The following KIAA1586 variants were observed in gnomAD, a reference collection of about 807,000 sequenced individuals.
The protein encoded by KIAA1586 is E3 SUMO-protein ligase KIAA1586.
Under a neutral mutation model 6.1 loss-of-function variants are expected in KIAA1586, and 5 were observed. The ratio of observed to expected loss-of-function variants is 0.82; its 90% confidence interval spans 0.43 to 1.73. The LOEUF (loss-of-function observed/expected upper bound fraction) is 1.73. Among genes scored for constraint, KIAA1586 ranks in the 40% most tolerant of loss-of-function variants. The pLI, the probability that KIAA1586 is intolerant of heterozygous loss-of-function variation, is 0.02. For synonymous variants in KIAA1586, 280 were observed against 301.7 expected (o/e 0.93, Z 0.75); for missense variants, 899 against 878.2 (o/e 1.02, Z -0.30).
At chr6:57,046,842 G>A in intron 1 of KIAA1586, 66 bp downstream of exon 1, 2 of 1,579,136 alleles carry the variant, frequency 1.3e-6, no homozygotes, top group East Asian at 2.3e-5. Flanking sequence ...TGTTTTCTGC[G>A]GTCTGAGGCC....
At position 57,053,507 on chromosome 6, in the gene KIAA1586, C is replaced by T. The variant is rs866945589; in HGVS notation, c.1008C>T (p.Cys336=). ...CCACCCTAGTGATTTATCTCCAGTGCACAATTCAGTCAGCTCCTGCACCTG... is the reference window on the plus strand; with the variant it reads ...CCACCCTAGTGATTTATCTCCAGTGTACAATTCAGTCAGCTCCTGCACCTG... ...KKTTLVIYLQ[C]TIQSAPAPVM... is the part of the protein sequence containing the mutation. The change falls in exon 4 of 4, where the codon TGC becomes TGT. Residue 336 remains cysteine (C), a synonymous_variant. Coordinates refer to ENST00000370733, the MANE Select transcript of KIAA1586 (RefSeq NM_020931.4). 1 of 1,613,562 alleles carries T rather than the reference C, an allele frequency of 6.2e-7. No homozygotes were observed. Among genetic ancestry groups the T allele is most frequent in the Non-Finnish European group, 8.5e-7 (1 of 1,179,762 alleles).
intron 2 of KIAA1586, among the ~76,000 whole-genome samples, chr6:57,049,996 T>C (rs1377142295): frequency 6.6e-6 from 1 of 152,034 alleles, no homozygotes; most frequent in Non-Finnish European, 1.5e-5. Context: ...ATGAAATCTG[T>C]TATCTTTTTT....
At chr6:57,052,552 A>T (rs1010748306) in intron 3 of KIAA1586, 134 bp from the exon 4 acceptor site, 4 of 606,452 alleles carry the variant, frequency 6.6e-6, no homozygotes, top group Non-Finnish European at 1.0e-5. Context: ...GATATTATAG[A>T]TATAAACTGA....
intron 3 of KIAA1586, among the ~76,000 whole-genome samples, chr6:57,052,316 G>A (rs1172816468): frequency 6.6e-6 from 1 of 152,190 alleles, no homozygotes; most frequent in Non-Finnish European, 1.5e-5. Context: ...CAAGTATAGA[G>A]GAGGATATGC....
the KIAA1586 span, among the ~76,000 whole-genome samples, chr6:57,066,522 A>C: frequency 1.3e-5 from 2 of 152,158 alleles, no homozygotes; most frequent in Non-Finnish European, 2.9e-5. Context: ...CTTATGGTTT[A>C]TGCTAAGTGG....
chr6:57,052,909 G>A lies in KIAA1586; in HGVS notation c.410G>A (p.Trp137Ter). 6.2e-7 allele frequency: 1 copy of A among 1,611,886 alleles called. No homozygotes were observed. The highest frequency in any genetic ancestry group is 8.5e-7 in the Non-Finnish European group (1 of 1,179,156). ...GATAATCTTGTGCTTCCAGATTGTT[G>A]GAATGAAAAACAAGCATTTATGTTT... ...EIDNLVLPDC[W>*]NEKQAFMFTE... The change falls in exon 4 of 4, where the codon TGG (tryptophan) becomes TAG (stop). Residue 137 changes from tryptophan to a stop codon, truncating the protein, a stop_gained. Transcript: ENST00000370733. LOFTEE classifies it low-confidence loss of function (END_TRUNC).
At chr6:57,060,230 T>C (rs1254545277), downstream of KIAA1586, among the ~76,000 whole-genome samples, 1 of 152,134 alleles carries the variant, frequency 6.6e-6, no homozygotes, top group African/African-American at 2.4e-5. Flanking sequence ...GTGGTTTTGG[T>C]CTTTCCCTCA....
the KIAA1586 span, among the ~76,000 whole-genome samples, chr6:57,065,176 T>C: frequency 6.6e-6 from 1 of 152,214 alleles, no homozygotes; most frequent in African/African-American, 2.4e-5. Context: ...GCTTTTCCTT[T>C]TGACTCTGCA....
At chr6:57,065,789 ATTTTTATGTAGTTTCTATATGATT>A in the KIAA1586 span, among the ~76,000 whole-genome samples, 1 of 151,964 alleles carries the variant, frequency 6.6e-6, no homozygotes, top group African/African-American at 2.4e-5. Flanking sequence ...GAGAAATTTT[ATTTTTATGTAGTTTCTATATGATT>A]TTCTCCTCTG....
In KIAA1586 at chr6:57,055,004, T is replaced by C; in HGVS notation, c.*141T>C. On this transcript the variant is annotated 3_prime_UTR_variant, in exon 4 of 4. Transcript: ENST00000370733. ...TAAAAGGCGTTCTTTAAGAAGATAA[T>C]CTTGAAGATTGGTTTTAGAAGCTAT... is the stretch of plus-strand genomic sequence containing the variant. The C allele has an allele frequency of 1.0e-6, 1 of 997,970 alleles. No homozygotes were observed. Among genetic ancestry groups the C allele is most frequent in the Non-Finnish European group, 1.4e-6 (1 of 711,238 alleles). The allele number at this position is 997,970 out of a possible 1,614,324, so 61.8% of individuals were successfully genotyped here.
At chr6:57,051,280 G>A (rs1033890031) in intron 3 of KIAA1586, among the ~76,000 whole-genome samples, 1 of 150,912 alleles carries the variant, frequency 6.6e-6, no homozygotes, top group Non-Finnish European at 1.5e-5. Context: ...AATTTTGTGA[G>A]CTGATTGTAA....
the KIAA1586 span, among the ~76,000 whole-genome samples, chr6:57,064,677 G>C: frequency 1.3e-5 from 2 of 152,264 alleles, no homozygotes; most frequent in East Asian, 3.9e-4. Flanking sequence ...GGAGGCCCGG[G>C]GGTTTTCTTC....
the KIAA1586 span, among the ~76,000 whole-genome samples, chr6:57,066,115 G>GAAA: frequency 7.6e-6 from 1 of 132,278 alleles, no homozygotes; most frequent in Non-Finnish European, 1.6e-5. Flanking sequence ...TGTCTCTACT[G>GAAA]AAAAAAAAAA....
At chr6:57,057,006 A>T (rs1364703088), downstream of KIAA1586, among the ~76,000 whole-genome samples, 1 of 152,032 alleles carries the variant, frequency 6.6e-6, no homozygotes, top group Non-Finnish European at 1.5e-5. Context: ...AGGCAGGTGG[A>T]TCATGAGGTT....
intron 2 of KIAA1586, among the ~76,000 whole-genome samples, chr6:57,050,472 C>T (rs1388306815): frequency 6.6e-6 from 1 of 151,230 alleles, no homozygotes; most frequent in Non-Finnish European, 1.5e-5. Context: ...TGTGAGCCAC[C>T]GTACCCATCT....
the KIAA1586 span, among the ~76,000 whole-genome samples, chr6:57,062,148 C>T: frequency 6.6e-6 from 1 of 152,126 alleles, no homozygotes; most frequent in South Asian, 2.1e-4. Context: ...CCAGGCTGGT[C>T]TCAAACTCCT....
chr6:57,046,695 T>A lies in KIAA1586; in HGVS notation c.-61T>A. ...CGGTGCAGGGCGGGAAGGGGAGTGGTGGCGGCTGCGGCAGTAGGGACAGCA... is the reference window on the plus strand; with the variant it reads ...CGGTGCAGGGCGGGAAGGGGAGTGGAGGCGGCTGCGGCAGTAGGGACAGCA... On this transcript the variant is annotated 5_prime_UTR_variant, in exon 1 of 4. Coordinates refer to ENST00000370733, the MANE Select transcript of KIAA1586 (RefSeq NM_020931.4). 6.2e-7 allele frequency: 1 copy of A among 1,604,056 alleles called. No homozygotes were observed. Among genetic ancestry groups the A allele is most frequent in the Non-Finnish European group, 8.5e-7 (1 of 1,175,612 alleles).
At position 57,050,840 on chromosome 6, in the gene KIAA1586, G is replaced by A. The variant is rs746812839; in HGVS notation, c.172G>A (p.Ala58Thr). 2.3e-5 allele frequency: 37 copies of A among 1,609,710 alleles called. No individual in the cohort carries two copies. Among genetic ancestry groups the A allele is most frequent in the African/African-American group, 5.4e-5 (4 of 74,726 alleles). The change falls in exon 3 of 4, where the codon GCC becomes ACC. Residue 58 changes from alanine (A) to threonine (T), a missense_variant. Coordinates refer to ENST00000370733, the MANE Select transcript of KIAA1586 (RefSeq NM_020931.4). ...LVCGDDENPS[A>T]YYSDILFPKM... Reference sequence around the variant, plus strand: ...CTGTGGTGATGATGAAAACCCTAGCGCCTATTATAGTGATGTAAGCACATT... The same window carrying A: ...CTGTGGTGATGATGAAAACCCTAGCACCTATTATAGTGATGTAAGCACATT...
At chr6:57,056,229 A>C (rs1828495491), downstream of KIAA1586, among the ~76,000 whole-genome samples, 2 of 137,864 alleles carry the variant, frequency 1.5e-5, no homozygotes, top group South Asian at 4.6e-4. Flanking sequence ...TTTTTTTTTG[A>C]GACAGAGTCT....
Sources: allele counts gnomAD v4.1 joint callset (sites outside exome capture counted in the v4.1 genomes callset), GRCh38; gene constraint gnomAD v4.1.1; transcripts MANE v1.5; gene names NCBI Gene and HGNC (gene_info 2026-07-23, HGNC 2026-07-21).